SNX29: variants seen among roughly 807,000 people sequenced by gnomAD.
SNX29 encodes sorting nexin-29.
In SNX29, 78 loss-of-function variants were observed where a neutral mutation model predicts 102.1. That is an observed-to-expected ratio of 0.76 (90% CI 0.64 to 0.92). The LOEUF is 0.92. Among genes scored for constraint, SNX29 ranks in the 40% least tolerant of loss-of-function variants. The pLI, the probability that SNX29 is intolerant of heterozygous loss-of-function variation, is 0.00. For missense variants in SNX29, 1,280 were observed against 1,061.7 expected (o/e 1.21, Z -2.86); for synonymous variants, 580 against 414.5 (o/e 1.40, Z -4.85).
intron 14 of SNX29, among the ~76,000 whole-genome samples, chr16:12,241,291 T>G (rs1198065465): frequency 6.6e-6 from 1 of 152,162 alleles, no homozygotes; most frequent in African/African-American, 2.4e-5. Context: ...GAAAACTGGC[T>G]TAAAATTGAA....
intron 20 of SNX29, among the ~76,000 whole-genome samples, chr16:12,552,636 A>C (rs2078053250): frequency 6.6e-6 from 1 of 152,184 alleles, no homozygotes; most frequent in Non-Finnish European, 1.5e-5. Context: ...AACACCAAAC[A>C]AATGGAAGGA....
intron 20 of SNX29, among the ~76,000 whole-genome samples, chr16:12,552,773 C>T (rs993478526): frequency 6.6e-6 from 1 of 152,196 alleles, no homozygotes; most frequent in Admixed American, 6.5e-5. Context: ...ATGAATTCAT[C>T]TCAGCTCTGG....
intron 20 of SNX29, among the ~76,000 whole-genome samples, chr16:12,537,551 C>T (rs1028918583): frequency 1.3e-5 from 2 of 152,182 alleles, no homozygotes; most frequent in Non-Finnish European, 2.9e-5. Flanking sequence ...TATGGAGCTT[C>T]TCGAAGGGAA....
chr16:12,332,869 C>T (rs2081336091), intron 15 of SNX29, among the ~76,000 whole-genome samples: 1 of 152,074 alleles, frequency 6.6e-6, no homozygotes. Context: ...CTCCATGTGC[C>T]CTCGTCCTTC....
chr16:12,554,297 T>G (rs532557729), intron 20 of SNX29, among the ~76,000 whole-genome samples: 11 of 152,234 alleles, frequency 7.2e-5, no homozygotes, highest in Non-Finnish European at 1.0e-4. Context: ...TTGCTTCATA[T>G]GAGGTTTCAG....
chr16:12,156,705 G>C (rs1356547044), intron 13 of SNX29, among the ~76,000 whole-genome samples: 1 of 152,238 alleles, frequency 6.6e-6, no homozygotes, highest in East Asian at 1.9e-4. Context: ...GCCTCTCTAG[G>C]TCCTTAGCAA....
chr16:12,515,283 C>T (rs1397295297), intron 19 of SNX29, among the ~76,000 whole-genome samples: 4 of 152,130 alleles, frequency 2.6e-5, no homozygotes, highest in Non-Finnish European at 1.5e-5. Context: ...CTGTAAGTTC[C>T]ACGAAGGCGG....
intron 14 of SNX29, among the ~76,000 whole-genome samples, chr16:12,231,651 G>T (rs576735460): frequency 6.6e-6 from 1 of 152,322 alleles, no homozygotes; most frequent in Non-Finnish European, 1.5e-5. Flanking sequence ...GGAGGATGTG[G>T]TCTCATAGGC....
At chr16:12,002,610 C>T (rs2056327173) in intron 2 of SNX29, among the ~76,000 whole-genome samples, 1 of 152,190 alleles carries the variant, frequency 6.6e-6, no homozygotes, top group African/African-American at 2.4e-5. Flanking sequence ...CCATTCAGCA[C>T]AGGCTTATAG....
Position 12,433,439 on chromosome 16 carries a change from T to C in SNX29, c.2037+29910T>C, listed in dbSNP as rs556179124. Among the ~76,000 whole-genome samples the C allele has an allele frequency of 7.9e-5, 12 of 152,164 alleles. No homozygotes were observed. The South Asian group carries it at 2.5e-3, about 32-fold the overall frequency. On this transcript the variant is annotated intron_variant, in intron 18 of 20. Coordinates refer to ENST00000566228, the MANE Select transcript of SNX29 (RefSeq NM_032167.5). ...TGAGGTCAGGAGTTTGAGACCAGCC[T>C]GGCCAGTATGGTGAAACCCCGTCTC...
chr16:12,124,651 C>T (rs2054127253), intron 11 of SNX29, among the ~76,000 whole-genome samples: 2 of 152,194 alleles, frequency 1.3e-5, no homozygotes, highest in African/African-American at 2.4e-5. Context: ...AGCAGAGATT[C>T]ATTGAAATCT....
intron 15 of SNX29, among the ~76,000 whole-genome samples, chr16:12,316,685 C>T (rs942358565): frequency 6.6e-6 from 1 of 152,140 alleles, no homozygotes; most frequent in Admixed American, 6.5e-5. Context: ...TAAGGTCCCG[C>T]TCACTGGGCT....
At chr16:12,276,579 A>G (rs942928080) in intron 14 of SNX29, among the ~76,000 whole-genome samples, 5 of 152,176 alleles carry the variant, frequency 3.3e-5, no homozygotes, top group Non-Finnish European at 1.5e-5. Context: ...TACAGCTGAT[A>G]GGGCATCCAA....
At chr16:12,538,531 C>T (rs369789490) in intron 20 of SNX29, among the ~76,000 whole-genome samples, 19 of 152,176 alleles carry the variant, frequency 1.2e-4, no homozygotes, top group Middle Eastern at 3.4e-3. Flanking sequence ...ATTGCTTATG[C>T]GTGAGGTGAT....
At position 12,013,678 on chromosome 16, in the gene SNX29, T is replaced by C. The variant is rs1218365315; in HGVS notation, c.122+10635T>C. Among the ~76,000 whole-genome samples, 3 of 151,162 alleles carry C rather than the reference T, an allele frequency of 2.0e-5. No homozygotes were observed. The East Asian group carries it at 5.8e-4, about 29-fold the overall frequency. On this transcript the variant is annotated intron_variant, in intron 3 of 20. Transcript: ENST00000566228. Reference sequence around the variant, plus strand: ...ATTTAATTTTGTGATGGAGTCCCGCTGTGTTGCCCAGCCTGGAGTGCAGTG... The same window carrying C: ...ATTTAATTTTGTGATGGAGTCCCGCCGTGTTGCCCAGCCTGGAGTGCAGTG...
Position 12,039,425 on chromosome 16 carries a change from G to A in SNX29, c.248-3472G>A, listed in dbSNP as rs540179738. On this transcript the variant is annotated intron_variant, in intron 4 of 20. Transcript: ENST00000566228. Reference sequence around the variant, plus strand: ...GCCTGCTAGACTGGAAGCCCCTTAGGGACGAGTTCTTGTTGTCTCTAGCTG... The same window carrying A: ...GCCTGCTAGACTGGAAGCCCCTTAGAGACGAGTTCTTGTTGTCTCTAGCTG... Among the ~76,000 whole-genome samples the A allele has an allele frequency of 1.4e-4, 21 of 152,234 alleles. No homozygotes were observed. The South Asian group carries it at 3.9e-3, about 29-fold the overall frequency.
rs972528575 is a variant in SNX29 at position 12,331,234 on chromosome 16, A to G, written c.1783-24929A>G. Among the ~76,000 whole-genome samples, 6 of 151,972 alleles carry G rather than the reference A, an allele frequency of 3.9e-5. No individual in the cohort carries two copies. The South Asian group carries it at 1.0e-3, about 27-fold the overall frequency. On this transcript the variant is annotated intron_variant, in intron 15 of 20. Transcript: ENST00000566228. ...CTTGGCTGCCCGGTTTCACTCCTAG[A>G]AACTCCTACACAGAGATCATGAGAT...
At chr16:12,296,496 G>C (rs767420996) in intron 15 of SNX29, among the ~76,000 whole-genome samples, 1 of 152,194 alleles carries the variant, frequency 6.6e-6, no homozygotes, top group African/African-American at 2.4e-5. Context: ...TATATAAAGG[G>C]ATCAATAGTA....
chr16:12,058,613 C>T (rs2050624676), intron 8 of SNX29, among the ~76,000 whole-genome samples: 1 of 150,858 alleles, frequency 6.6e-6, no homozygotes, highest in African/African-American at 2.4e-5. Flanking sequence ...CCTGCCTCAC[C>T]CTTCCAAGTA....
Sources: gnomAD v4.1 joint callset for allele counts (sites outside exome capture counted in the v4.1 genomes callset) on GRCh38, gnomAD v4.1.1 for gene constraint, MANE v1.5 for transcripts, NCBI Gene and HGNC (gene_info 2026-07-23, HGNC 2026-07-21) for gene names.